Variants in ROCK1 observed in about 807,000 individuals in gnomAD.
The protein encoded by ROCK1 is rho-associated protein kinase 1.
Under a neutral mutation model 196.8 loss-of-function variants are expected in ROCK1, and 36 were observed. The observed-to-expected ratio is 0.18, with a 90% CI of 0.14 to 0.24. The LOEUF is 0.24. Ranked by LOEUF, ROCK1 falls within the 10% of genes least tolerant of loss-of-function variation. ROCK1 has a pLI of 1.00. For missense variants in ROCK1, 920 were observed against 1,562.0 expected (o/e 0.59, Z 6.93); for synonymous variants, 443 against 515.9 (o/e 0.86, Z 1.91).
In ROCK1 at chr18:21,100,370, C is replaced by T. The variant is rs77134561; in HGVS notation, c.93+10448G>A. ...TTCCAAGTCTGAGGCAAGAAATGTA[C>T]AAGATGAGCCTGAGTACCTTACTGC... On this transcript the variant is annotated intron_variant, in intron 1 of 32. Transcript: ENST00000399799. Among the ~76,000 whole-genome samples, 378 of 149,006 alleles carry T rather than the reference C, an allele frequency of 2.5e-3. 2 individuals carry two copies. The highest frequency in any genetic ancestry group is 3.9e-3 in the Non-Finnish European group (266 of 67,360).
At chr18:21,064,152 T>C (rs2018403) in intron 2 of ROCK1, among the ~76,000 whole-genome samples, 7,957 of 152,220 alleles carry the variant, frequency 0.052, 681 homozygotes, top group African/African-American at 0.18. Context: ...CAGCCTGCCA[T>C]TTCAGTCTCA....
chr18:21,045,950 G>A (rs534145634), intron 4 of ROCK1, among the ~76,000 whole-genome samples: 63 of 114,140 alleles, frequency 5.5e-4, no homozygotes, highest in Middle Eastern at 8.9e-3. Context: ...TCGCTCTGTC[G>A]CCCAGGCTGG....
intron 22 of ROCK1, among the ~76,000 whole-genome samples, chr18:20,971,305 T>TACACATAC (rs1555744404): frequency 1.8e-4 from 24 of 136,846 alleles, no homozygotes; most frequent in African/African-American, 6.6e-4. Flanking sequence ...ATAGTAAACA[T>TACACATAC]ACACACACAC....
chr18:21,089,161 A>G (rs1431708891), intron 1 of ROCK1, among the ~76,000 whole-genome samples: 1 of 151,972 alleles, frequency 6.6e-6, no homozygotes. Context: ...CTGGTTCAAG[A>G]AATTCCCCTG....
At chr18:21,078,521 T>C (rs1055858300) in intron 1 of ROCK1, among the ~76,000 whole-genome samples, 2 of 152,144 alleles carry the variant, frequency 1.3e-5, no homozygotes, top group African/African-American at 2.4e-5. Flanking sequence ...ACCTGTGCTG[T>C]AATGGCAGTC....
intron 8 of ROCK1, 141 bp from the exon 9 acceptor site, chr18:21,039,704 T>C (rs1265172433): frequency 3.4e-6 from 2 of 588,138 alleles, no homozygotes; most frequent in South Asian, 2.4e-5. Flanking sequence ...GTCAGCATAG[T>C]ATCAGCCCAA....
Position 20,948,785 on chromosome 18 carries a change from G to C in ROCK1, c.*2599C>G, listed in dbSNP as rs528619507. The stretch of plus-strand genomic sequence containing the variant: ...TGGCCACGTAGATGCACCTAGAGAA[G>C]GCAGACGTGAGATGCAGGCTGTGCT... On this transcript the variant is annotated 3_prime_UTR_variant, in exon 33 of 33. Coordinates refer to ENST00000399799, the MANE Select transcript of ROCK1 (RefSeq NM_005406.3). 6.6e-6 allele frequency: 1 copy of C among 152,360 alleles called. No individual in the cohort carries two copies. The highest frequency in any genetic ancestry group is 1.9e-4 in the East Asian group (1 of 5,184). 9.4% of individuals were successfully genotyped at this position (152,360 alleles called of 1,614,324 possible).
chr18:21,013,935 G>T (rs1055233009), intron 13 of ROCK1, among the ~76,000 whole-genome samples: 3 of 151,898 alleles, frequency 2.0e-5, no homozygotes, highest in Non-Finnish European at 4.4e-5. Context: ...GCATGGTGGC[G>T]GGCGCCTGTG....
At chr18:21,068,395 T>C (rs2036355505) in intron 2 of ROCK1, among the ~76,000 whole-genome samples, 1 of 152,214 alleles carries the variant, frequency 6.6e-6, no homozygotes, top group South Asian at 2.1e-4. Context: ...TATACTGTCT[T>C]GATATTGACC....
chr18:21,038,802 TC>T (rs1454385840), intron 9 of ROCK1, among the ~76,000 whole-genome samples: 1 of 152,158 alleles, frequency 6.6e-6, no homozygotes, highest in Non-Finnish European at 1.5e-5. Context: ...ATTCTTTACC[TC>T]CCAAATCCAC....
chr18:21,067,104 T>C (rs2036341232), intron 2 of ROCK1, among the ~76,000 whole-genome samples: 2 of 152,194 alleles, frequency 1.3e-5, no homozygotes, highest in Admixed American at 6.5e-5. Context: ...GTTTAGAAAG[T>C]TTTAATCATT....
chr18:21,037,799 A>G (rs899409197), intron 9 of ROCK1, among the ~76,000 whole-genome samples: 5 of 152,112 alleles, frequency 3.3e-5, no homozygotes, highest in Non-Finnish European at 7.4e-5. Context: ...AGGGAGAAAG[A>G]AAACTTTTGG....
chr18:21,099,565 G>A (rs556143025), intron 1 of ROCK1, among the ~76,000 whole-genome samples: 9 of 152,046 alleles, frequency 5.9e-5, no homozygotes, highest in Non-Finnish European at 1.3e-4. Flanking sequence ...GCAACACAGC[G>A]AGACTCCATC....
At chr18:21,048,138 G>C (rs2036176618) in intron 4 of ROCK1, among the ~76,000 whole-genome samples, 1 of 152,122 alleles carries the variant, frequency 6.6e-6, no homozygotes, top group Admixed American at 6.6e-5. Context: ...ACAACTTTCA[G>C]ACTTATGAAC....
chr18:20,989,608 T>C (rs1168671200), intron 18 of ROCK1, among the ~76,000 whole-genome samples: 1 of 152,204 alleles, frequency 6.6e-6, no homozygotes, highest in African/African-American at 2.4e-5. Flanking sequence ...GATTGCTGCA[T>C]GGATTTGTCT....
At chr18:21,040,777 C>T (rs1486395072) in intron 8 of ROCK1, among the ~76,000 whole-genome samples, 1 of 152,162 alleles carries the variant, frequency 6.6e-6, no homozygotes, top group Non-Finnish European at 1.5e-5. Flanking sequence ...GTATCTTCCT[C>T]ACTACTATAT....
At chr18:21,028,296 A>G (rs2035977960) in intron 10 of ROCK1, among the ~76,000 whole-genome samples, 1 of 151,558 alleles carries the variant, frequency 6.6e-6, no homozygotes, top group African/African-American at 2.4e-5. Context: ...GGTACCTGTA[A>G]TCCCAGCTAC....
At chr18:21,096,833 T>C (rs534425256) in intron 1 of ROCK1, among the ~76,000 whole-genome samples, 4 of 152,318 alleles carry the variant, frequency 2.6e-5, no homozygotes, top group African/African-American at 9.6e-5. Context: ...TGTCTAGAAT[T>C]ATGCTTAGCC....
At chr18:21,091,841 A>G (rs2036572777) in intron 1 of ROCK1, among the ~76,000 whole-genome samples, 1 of 151,602 alleles carries the variant, frequency 6.6e-6, no homozygotes, top group African/African-American at 2.4e-5. Flanking sequence ...GTGGTGTCGT[A>G]TGCCTATAAT....
Sources: gnomAD v4.1 joint callset for allele counts (sites outside exome capture counted in the v4.1 genomes callset) on GRCh38, gnomAD v4.1.1 for gene constraint, MANE v1.5 for transcripts, NCBI Gene and HGNC (gene_info 2026-07-23, HGNC 2026-07-21) for gene names.